The following GPHN variants were observed in gnomAD, a reference collection of about 807,000 sequenced individuals.
The protein encoded by GPHN is gephyrin.
A neutral mutation model predicts 95.5 loss-of-function variants in GPHN; 17 were observed. The ratio of observed to expected loss-of-function variants is 0.18; its 90% CI spans 0.12 to 0.27. The LOEUF (loss-of-function observed/expected upper bound fraction) is 0.27. GPHN is among the 10% of genes least tolerant of loss of function. The pLI, the probability that GPHN is intolerant of heterozygous loss-of-function variation, is 1.00. For synonymous variants in GPHN, 320 were observed against 322.5 expected (o/e 0.99, Z 0.08); for missense variants, 660 against 978.1 (o/e 0.67, Z 4.34).
intron 5 of GPHN, among the ~76,000 whole-genome samples, chr14:66,886,389 C>T (rs2064190682): frequency 6.6e-6 from 1 of 152,040 alleles, no homozygotes. Context: ...ACTTTTCCCC[C>T]ATGAGTGTGA....
In GPHN at chr14:67,181,597, C is replaced by A; in HGVS notation, c.*660C>A. On this transcript the variant is annotated 3_prime_UTR_variant, in exon 23 of 23. Transcript: ENST00000478722. Reference sequence around the variant, plus strand: ...GAAAAAATGCTTCCTTAAGTGCTGACAGCCTTTTTAACCAATACATTTAAA... The same window carrying A: ...GAAAAAATGCTTCCTTAAGTGCTGAAAGCCTTTTTAACCAATACATTTAAA... 2.4e-6 allele frequency: 1 copy of A among 423,842 alleles called. No individual in the cohort carries two copies. Among genetic ancestry groups the A allele is most frequent in the Non-Finnish European group, 4.6e-6 (1 of 219,072 alleles). The allele number at this position is 423,842 out of a possible 1,614,324, so 26.3% of individuals were successfully genotyped here.
At chr14:67,195,051 G>T in the GPHN span, among the ~76,000 whole-genome samples, 1 of 152,186 alleles carries the variant, frequency 6.6e-6, no homozygotes, top group Non-Finnish European at 1.5e-5. Context: ...GGGGTGAGGG[G>T]TGTAGTGCAC....
chr14:66,768,518 A>C (rs531100834), intron 2 of GPHN, among the ~76,000 whole-genome samples: 1 of 152,148 alleles, frequency 6.6e-6, no homozygotes, highest in African/African-American at 2.4e-5. Flanking sequence ...CTATATGAGC[A>C]GTGACTTTGA....
chr14:67,695,600 C>T, the GPHN span: 1 of 1,597,060 alleles, frequency 6.3e-7, no homozygotes, highest in Non-Finnish European at 8.6e-7. Context: ...AACAAGAATT[C>T]TCAAGAGAAG....
chr14:66,971,522 T>C (rs2069776927), intron 9 of GPHN, among the ~76,000 whole-genome samples: 1 of 152,246 alleles, frequency 6.6e-6, no homozygotes, highest in South Asian at 2.1e-4. Flanking sequence ...TTAAGTCTTG[T>C]AATATGTTGT....
chr14:66,812,873 T>G (rs1442077377), intron 3 of GPHN, among the ~76,000 whole-genome samples: 1 of 152,212 alleles, frequency 6.6e-6, no homozygotes, highest in East Asian at 1.9e-4. Flanking sequence ...ATATGTAGAA[T>G]GAAAGGAAAA....
the GPHN span, chr14:67,312,539 G>C: frequency 6.3e-7 from 1 of 1,580,026 alleles, no homozygotes; most frequent in South Asian, 1.2e-5. Context: ...CCATGTAAAA[G>C]CTCATTTTGA....
intron 4 of GPHN, among the ~76,000 whole-genome samples, chr14:66,858,835 G>A (rs1167707251): frequency 1.3e-5 from 2 of 151,926 alleles, no homozygotes; most frequent in African/African-American, 2.4e-5. Flanking sequence ...AGAGCCCTTG[G>A]GCCTAAAGGA....
At chr14:67,242,531 T>G in the GPHN span, among the ~76,000 whole-genome samples, 4 of 152,228 alleles carry the variant, frequency 2.6e-5, no homozygotes, top group Non-Finnish European at 4.4e-5. Flanking sequence ...TGTTAAATTA[T>G]GCAATAGGAA....
At chr14:67,080,425 T>A (rs1284940439) in intron 11 of GPHN, among the ~76,000 whole-genome samples, 1 of 152,104 alleles carries the variant, frequency 6.6e-6, no homozygotes, top group Non-Finnish European at 1.5e-5. Flanking sequence ...GTAGTCCCAT[T>A]TGTCTATTTT....
the GPHN span, among the ~76,000 whole-genome samples, chr14:67,248,785 T>A: frequency 6.6e-6 from 1 of 152,190 alleles, no homozygotes; most frequent in Non-Finnish European, 1.5e-5. Context: ...AAGGTGTGCC[T>A]GATTTGACCT....
chr14:67,401,819 T>G, the GPHN span, among the ~76,000 whole-genome samples: 1 of 151,996 alleles, frequency 6.6e-6, no homozygotes, highest in Non-Finnish European at 1.5e-5. Flanking sequence ...AACCAACAGA[T>G]ATCGGGCAGA....
the GPHN span, chr14:67,569,657 TG>T: frequency 3.8e-6 from 2 of 525,592 alleles, no homozygotes; most frequent in Non-Finnish European, 6.9e-6. Context: ...TCTGCAACAG[TG>T]GAACACTGTG....
chr14:67,428,842 C>T, the GPHN span, among the ~76,000 whole-genome samples: 1 of 152,172 alleles, frequency 6.6e-6, no homozygotes, highest in Non-Finnish European at 1.5e-5. Flanking sequence ...CTGTAGGGGG[C>T]CTGCTGGAGA....
At chr14:67,102,863 C>A (rs2077795066) in intron 13 of GPHN, among the ~76,000 whole-genome samples, 1 of 152,038 alleles carries the variant, frequency 6.6e-6, no homozygotes. Flanking sequence ...TTTTAGCATC[C>A]AAAAATTGAG....
chr14:66,747,848 C>G (rs1388061242), intron 2 of GPHN, among the ~76,000 whole-genome samples: 1 of 151,892 alleles, frequency 6.6e-6, no homozygotes. Flanking sequence ...TGTAAATGAA[C>G]ACATGAAATT....
the GPHN span, among the ~76,000 whole-genome samples, chr14:67,300,336 C>CT: frequency 3.9e-3 from 547 of 138,982 alleles, 5 homozygotes; most frequent in Non-Finnish European, 4.1e-3. Context: ...TATGAATTAC[C>CT]TTTTTTTTTT....
chr14:67,606,700 G>GC, the GPHN span, among the ~76,000 whole-genome samples: 1 of 152,192 alleles, frequency 6.6e-6, no homozygotes, highest in Non-Finnish European at 1.5e-5. Context: ...AGACTGGAGT[G>GC]CAGTGGCGTG....
At chr14:66,757,784 A>G (rs919348012) in intron 2 of GPHN, among the ~76,000 whole-genome samples, 1 of 152,156 alleles carries the variant, frequency 6.6e-6, no homozygotes, top group African/African-American at 2.4e-5. Flanking sequence ...CTAACATTAT[A>G]GTTATTTTTA....
Sources: gnomAD v4.1 joint callset for allele counts (sites outside exome capture counted in the v4.1 genomes callset) on GRCh38, gnomAD v4.1.1 for gene constraint, MANE v1.5 for transcripts, NCBI Gene and HGNC (gene_info 2026-07-23, HGNC 2026-07-21) for gene names.